The following EXOC6B variants were observed in gnomAD, a reference collection of about 807,000 sequenced individuals.
EXOC6B encodes exocyst complex component 6B.
A neutral mutation model predicts 113.5 loss-of-function variants in EXOC6B; 54 were observed. The observed-to-expected ratio is 0.48, with a 90% confidence interval of 0.38 to 0.60. EXOC6B has a LOEUF of 0.60. Ranked by LOEUF, EXOC6B falls within the 20% of genes least tolerant of loss-of-function variation. The probability of loss-of-function intolerance (pLI) is 0.00; values close to 1 mark genes in which losing one functional copy is unlikely to be tolerated. For missense variants in EXOC6B, 797 were observed against 977.5 expected, an observed-to-expected ratio of 0.82 and a Z score of 2.46; for synonymous variants, 357 against 339.0, an observed-to-expected ratio of 1.05 and a Z score of -0.58.
intron 20 of EXOC6B, among the ~76,000 whole-genome samples, chr2:72,316,563 G>A (rs1250915665): frequency 6.6e-6 from 1 of 152,160 alleles, no homozygotes; most frequent in African/African-American, 2.4e-5. Flanking sequence ...GGGAGTTTGA[G>A]TACAAATATT....
At chr2:72,501,510 T>G (rs991885951) in intron 11 of EXOC6B, among the ~76,000 whole-genome samples, 1 of 152,140 alleles carries the variant, frequency 6.6e-6, no homozygotes, top group South Asian at 2.1e-4. Context: ...CAAGTATTAC[T>G]TTATAGCAAC....
intron 20 of EXOC6B, among the ~76,000 whole-genome samples, chr2:72,286,428 A>G (rs1417687581): frequency 6.6e-6 from 1 of 152,180 alleles, no homozygotes; most frequent in East Asian, 1.9e-4. Context: ...TTCCAACTAC[A>G]TGACATTCCA....
At chr2:72,695,476 A>G (rs934778855) in intron 6 of EXOC6B, among the ~76,000 whole-genome samples, 1 of 152,210 alleles carries the variant, frequency 6.6e-6, no homozygotes, top group African/African-American at 2.4e-5. Context: ...GTATTCTTTA[A>G]GGTTTTTTTT....
Position 72,332,395 on chromosome 2 carries a change from A to T in EXOC6B, c.2196+2552T>A, listed in dbSNP as rs573698565. 2.6e-5 allele frequency among the ~76,000 whole-genome samples: 4 copies of T among 152,196 alleles called. No homozygotes were observed. The East Asian group carries it at 5.8e-4, about 22-fold the overall frequency. ...GGTCCATAAAATCAACCCTGTAAGG[A>T]CTAGATGAGAAATAGGTAACAATGT... On this transcript the variant is annotated intron_variant, in intron 20 of 21. Coordinates refer to ENST00000272427, the MANE Select transcript of EXOC6B (RefSeq NM_015189.3).
chr2:72,197,593 A>G (rs1407805042), intron 20 of EXOC6B, among the ~76,000 whole-genome samples: 1 of 152,010 alleles, frequency 6.6e-6, no homozygotes. Flanking sequence ...ACTAGAGGAG[A>G]AAATTTCTAA....
intron 6 of EXOC6B, among the ~76,000 whole-genome samples, chr2:72,576,684 T>C (rs966175429): frequency 3.3e-5 from 5 of 152,160 alleles, no homozygotes; most frequent in African/African-American, 1.2e-4. Context: ...TGAAGCCTTC[T>C]TATAGATATG....
chr2:72,421,927 G>A (rs1328087289), intron 18 of EXOC6B, among the ~76,000 whole-genome samples: 3 of 152,206 alleles, frequency 2.0e-5, no homozygotes, highest in South Asian at 2.1e-4. Context: ...CAGAGCAGCC[G>A]GCCAGCCCTG....
chr2:72,598,026 AT>A (rs1178850918), intron 6 of EXOC6B, among the ~76,000 whole-genome samples: 1 of 152,008 alleles, frequency 6.6e-6, no homozygotes, highest in Admixed American at 6.5e-5. Flanking sequence ...TCTATCAATA[AT>A]TGAAAGATCC....
chr2:72,348,761 G>A (rs903551018), intron 19 of EXOC6B, among the ~76,000 whole-genome samples: 4 of 152,074 alleles, frequency 2.6e-5, no homozygotes, highest in South Asian at 4.1e-4. Flanking sequence ...AATGCTGATC[G>A]TTAACAAGAA....
intron 18 of EXOC6B, among the ~76,000 whole-genome samples, chr2:72,428,490 G>A (rs753024838): frequency 6.6e-5 from 10 of 152,350 alleles, no homozygotes; most frequent in African/African-American, 1.2e-4. Flanking sequence ...GCTGCCTGCC[G>A]TGTGGCAGCA....
intron 18 of EXOC6B, among the ~76,000 whole-genome samples, chr2:72,433,040 A>G (rs1695637802): frequency 6.6e-6 from 1 of 152,120 alleles, no homozygotes; most frequent in African/African-American, 2.4e-5. Context: ...TTTATGATTT[A>G]TGTCTTACAT....
chr2:72,679,013 G>A (rs950966398), intron 6 of EXOC6B, among the ~76,000 whole-genome samples: 1 of 151,524 alleles, frequency 6.6e-6, no homozygotes, highest in Non-Finnish European at 1.5e-5. Flanking sequence ...AAATCCTAAT[G>A]AAAGTTATGG....
intron 20 of EXOC6B, among the ~76,000 whole-genome samples, chr2:72,257,163 G>C (rs1461748914): frequency 6.6e-6 from 1 of 152,148 alleles, no homozygotes; most frequent in Admixed American, 6.5e-5. Flanking sequence ...ATCATTCAAA[G>C]TGTTTGAGTA....
intron 19 of EXOC6B, among the ~76,000 whole-genome samples, chr2:72,361,488 G>T (rs1412418243): frequency 6.6e-6 from 1 of 152,180 alleles, no homozygotes; most frequent in Admixed American, 6.5e-5. Context: ...GTAATGGAAT[G>T]CCTGAAGCCC....
intron 18 of EXOC6B, among the ~76,000 whole-genome samples, chr2:72,450,030 G>A (rs573333558): frequency 1.3e-4 from 20 of 152,244 alleles, no homozygotes; most frequent in Non-Finnish European, 2.5e-4. Flanking sequence ...ATAAAATACA[G>A]CAAATTAATA....
intron 6 of EXOC6B, among the ~76,000 whole-genome samples, chr2:72,669,306 C>A (rs1184773854): frequency 6.6e-6 from 1 of 151,172 alleles, no homozygotes; most frequent in Non-Finnish European, 1.5e-5. Context: ...TTTCCTTACC[C>A]AATATCGAAT....
chr2:72,708,201 G>A (rs1679014946), intron 6 of EXOC6B, among the ~76,000 whole-genome samples: 2 of 152,082 alleles, frequency 1.3e-5, no homozygotes, highest in African/African-American at 4.8e-5. Flanking sequence ...CTCACACAAG[G>A]AAAGGCAAAC....
rs1700154670 is a variant in EXOC6B, at chr2:72,498,486, T to G, written c.1305A>C (p.Glu435Asp). 6.2e-7 allele frequency: 1 copy of G among 1,611,734 alleles called. No individual in the cohort carries two copies. Among genetic ancestry groups the G allele is most frequent in the Non-Finnish European group, 8.5e-7 (1 of 1,179,044 alleles). The change falls in exon 13 of 22, where the codon GAA becomes GAC. Residue 435 changes from glutamate to aspartate, a missense_variant. Glu to Asp is a conservative substitution (Grantham distance 45). Transcript: ENST00000272427. ...TACCTGCCCACTTCTTTAGCAGAGT[T>G]TCACTATATTGGTCTCTGATTTCTA... is the stretch of plus-strand genomic sequence containing the variant. ...MLLEIRDQYSETLLKKWAGIF... is the reference protein window; with the variant it reads ...MLLEIRDQYSDTLLKKWAGIF...
At chr2:72,401,192 A>G (rs1693127986) in intron 18 of EXOC6B, among the ~76,000 whole-genome samples, 1 of 151,404 alleles carries the variant, frequency 6.6e-6, no homozygotes, top group Admixed American at 6.6e-5. Context: ...CAGGCGTGGT[A>G]ACTCACGCCT....
Sources: allele counts gnomAD v4.1 joint callset (sites outside exome capture counted in the v4.1 genomes callset), GRCh38; gene constraint gnomAD v4.1.1; transcripts MANE v1.5; gene names NCBI Gene and HGNC (gene_info 2026-07-23, HGNC 2026-07-21).